Variants in ATXN7L3B observed in about 807,000 individuals in gnomAD.
The protein encoded by ATXN7L3B is ataxin 7 like 3B.
ATXN7L3B carries 4 observed loss-of-function variants against 6.3 expected under a neutral mutation model. The observed-to-expected ratio is 0.63, with a 90% CI of 0.31 to 1.45. The LOEUF is 1.45. Ranked by LOEUF, ATXN7L3B falls within the 40% of genes most tolerant of loss-of-function variation. ATXN7L3B has a pLI of 0.07. For missense variants in ATXN7L3B, 120 were observed against 118.5 expected, an observed-to-expected ratio of 1.01 and a Z score of -0.06; for synonymous variants, 63 against 48.0, an observed-to-expected ratio of 1.31 and a Z score of -1.29.
rs1868909124 is a variant in ATXN7L3B, at chr12:74,541,891, C to G, written c.*3485C>G. On this transcript the variant is annotated 3_prime_UTR_variant, in exon 1 of 1. Transcript: ENST00000519948. ...TTTCTCAATACTTAAAAAATTACCT[C>G]AACACTTTAGATCTTTCATTTCATT... is the stretch of plus-strand genomic sequence containing the variant. 6.6e-6 allele frequency: 1 copy of G among 152,130 alleles called. No homozygotes were observed. Among genetic ancestry groups the G allele is most frequent in the South Asian group, 2.1e-4 (1 of 4,820 alleles). The allele number at this position is 152,130 out of a possible 1,614,324, so 9.4% of individuals were successfully genotyped here. A position where few individuals can be genotyped will look rare whatever the true frequency, so the allele number is the denominator to read the frequency against.
chr12:74,545,378 C>T lies in ATXN7L3B; in HGVS notation c.*6972C>T, dbSNP rs1319447860. 2 of 152,072 alleles carry T rather than the reference C, an allele frequency of 1.3e-5. No homozygotes were observed. The highest frequency in any genetic ancestry group is 2.9e-5 in the Non-Finnish European group (2 of 67,936). The allele number at this position is 152,072 out of a possible 1,614,324, so 9.4% of individuals were successfully genotyped here. On this transcript the variant is annotated 3_prime_UTR_variant, in exon 1 of 1. Coordinates refer to ENST00000519948, the MANE Select transcript of ATXN7L3B (RefSeq NM_001136262.2). ...ATGTTTAACAATAGGCAAATCAATG[C>T]TGTATGTTGTTTAAATAATTGTGAA...
rs1868916970 is a variant in ATXN7L3B, at chr12:74,542,207, G to A, written c.*3801G>A. 1 of 152,094 alleles carries A rather than the reference G, an allele frequency of 6.6e-6. No individual in the cohort carries two copies. Among genetic ancestry groups the A allele is most frequent in the Admixed American group, 6.5e-5 (1 of 15,274 alleles). 9.4% of individuals were successfully genotyped at this position (152,094 alleles called of 1,614,324 possible). Reference sequence around the variant, plus strand: ...ACTTGTCACTGTCCAGTTTAAATAGGCCAGGGCCAACGTGGTGATTTGAGA... The same window carrying A: ...ACTTGTCACTGTCCAGTTTAAATAGACCAGGGCCAACGTGGTGATTTGAGA... On this transcript the variant is annotated 3_prime_UTR_variant, in exon 1 of 1. Transcript: ENST00000519948.
In ATXN7L3B at chr12:74,543,835, A is replaced by G. The variant is rs1868956618; in HGVS notation, c.*5429A>G. On this transcript the variant is annotated 3_prime_UTR_variant, in exon 1 of 1. Transcript: ENST00000519948. ...AACAATATAGAAACCAAAGCTCAAG[A>G]ACTTGTACACACTGCAAAAGGGTAT... is the stretch of plus-strand genomic sequence containing the variant. 1.3e-5 allele frequency: 2 copies of G among 152,046 alleles called. No individual in the cohort carries two copies. The highest frequency in any genetic ancestry group is 2.9e-5 in the Non-Finnish European group (2 of 67,910). The allele number at this position is 152,046 out of a possible 1,614,324, so 9.4% of individuals were successfully genotyped here. A position where few individuals can be genotyped will look rare whatever the true frequency, so the allele number is the denominator to read the frequency against.
rs1868862226 is a variant in ATXN7L3B, at chr12:74,540,501, CTG to C, written c.*2097_*2098del. The C allele has an allele frequency of 6.0e-6, 1 of 167,252 alleles. No individual in the cohort carries two copies. Among genetic ancestry groups the C allele is most frequent in the South Asian group, 2.1e-4 (1 of 4,838 alleles). 10.4% of individuals were successfully genotyped at this position (167,252 alleles called of 1,614,324 possible). A position where few individuals can be genotyped will look rare whatever the true frequency, so the allele number is the denominator to read the frequency against. ...AAACCATAGAGTTTGGGCCTTGGAA[CTG>C]TTACTGCCTTGTCCTAGAGTTGTCC... is the stretch of plus-strand genomic sequence containing the variant. On this transcript the variant is annotated 3_prime_UTR_variant, in exon 1 of 1. Coordinates refer to ENST00000519948, the MANE Select transcript of ATXN7L3B (RefSeq NM_001136262.2).
In ATXN7L3B at chr12:74,540,398, A is replaced by G. The variant is rs1868859230; in HGVS notation, c.*1992A>G. ...GTCCATTCTCTCACCCTTGCTGTGC[A>G]TGTATCAATCCTTATCCCAGAAGGT... is the stretch of plus-strand genomic sequence containing the variant. On this transcript the variant is annotated 3_prime_UTR_variant, in exon 1 of 1. Coordinates refer to ENST00000519948, the MANE Select transcript of ATXN7L3B (RefSeq NM_001136262.2). 6.0e-6 allele frequency: 1 copy of G among 167,058 alleles called. No individual in the cohort carries two copies. Among genetic ancestry groups the G allele is most frequent in the Non-Finnish European group, 1.5e-5 (1 of 68,138 alleles). 10.3% of individuals were successfully genotyped at this position (167,058 alleles called of 1,614,324 possible).
Position 74,543,235 on chromosome 12 carries a change from G to GAGTC in ATXN7L3B, c.*4830_*4831insGTCA, listed in dbSNP as rs1421609702. 6.6e-6 allele frequency: 1 copy of GAGTC among 152,032 alleles called. No homozygotes were observed. The highest frequency in any genetic ancestry group is 1.5e-5 in the Non-Finnish European group (1 of 67,944). 9.4% of individuals were successfully genotyped at this position (152,032 alleles called of 1,614,324 possible). A position where few individuals can be genotyped will look rare whatever the true frequency, so the allele number is the denominator to read the frequency against. On this transcript the variant is annotated 3_prime_UTR_variant, in exon 1 of 1. Coordinates refer to ENST00000519948, the MANE Select transcript of ATXN7L3B (RefSeq NM_001136262.2). Reference sequence around the variant, plus strand: ...TGAAAAAAAAATCTTCAGCAGCAGTGACTTGCCCATAGTTCAAAAAGCAAA... The same window carrying GAGTC: ...TGAAAAAAAAATCTTCAGCAGCAGTGAGTCACTTGCCCATAGTTCAAAAAGCAAA...
Position 74,538,044 on chromosome 12 carries a change from C to A in ATXN7L3B, c.-69C>A. 6.7e-7 allele frequency: 1 copy of A among 1,486,042 alleles called. No homozygotes were observed. 92.1% of individuals were successfully genotyped at this position (1,486,042 alleles called of 1,614,324 possible). ...AAAGGCCTCTAGGCCTAGGCGCGGC[C>A]CGCGGAGCCAGACGTGTTGCTGCCG... On this transcript the variant is annotated 5_prime_UTR_variant, in exon 1 of 1. Transcript: ENST00000519948.
In ATXN7L3B at chr12:74,540,874, C is replaced by G. The variant is rs556893356; in HGVS notation, c.*2468C>G. The G allele has an allele frequency of 1.8e-5, 3 of 164,424 alleles. No individual in the cohort carries two copies. Among genetic ancestry groups the G allele is most frequent in the South Asian group, 2.2e-4 (1 of 4,602 alleles). The allele number at this position is 164,424 out of a possible 1,614,324, so 10.2% of individuals were successfully genotyped here. Reference sequence around the variant, plus strand: ...GAGTAGTATTTTGTTCATATTACCCCCCTTTTGTTTTTTGTTTCTGGCCCC... The same window carrying G: ...GAGTAGTATTTTGTTCATATTACCCGCCTTTTGTTTTTTGTTTCTGGCCCC... On this transcript the variant is annotated 3_prime_UTR_variant, in exon 1 of 1. Transcript: ENST00000519948.
chr12:74,538,268 G>C lies in ATXN7L3B; in HGVS notation c.156G>C (p.Glu52Asp). 1.3e-6 allele frequency: 2 copies of C among 1,578,036 alleles called. No homozygotes were observed. The highest frequency in any genetic ancestry group is 1.7e-6 in the Non-Finnish European group (2 of 1,161,912). ...KCGYFYLEFA[E>D]TGSVKDFGIQ... Reference sequence around the variant, plus strand: ...GCTACTTCTACCTGGAGTTCGCAGAGACTGGTAGCGTGAAGGATTTTGGCA... The same window carrying C: ...GCTACTTCTACCTGGAGTTCGCAGACACTGGTAGCGTGAAGGATTTTGGCA... The change falls in exon 1 of 1, where the codon GAG (glutamate) becomes GAC (aspartate). Residue 52 changes from glutamate to aspartate, a missense_variant. Physicochemically the swap from Glu to Asp is conservative, Grantham distance 45. Transcript: ENST00000519948.
chr12:74,541,579 GAACAGAGA>G lies in ATXN7L3B; in HGVS notation c.*3177_*3184del, dbSNP rs1868900696. On this transcript the variant is annotated 3_prime_UTR_variant, in exon 1 of 1. Coordinates refer to ENST00000519948, the MANE Select transcript of ATXN7L3B (RefSeq NM_001136262.2). ...TTCCTCCCTAACAGGAGTTTTATCA[GAACAGAGA>G]AACTGTCCAACCTTGTTTCTCAATT... is the stretch of plus-strand genomic sequence containing the variant. The G allele has an allele frequency of 6.6e-6, 1 of 152,586 alleles. No individual in the cohort carries two copies. The highest frequency in any genetic ancestry group is 1.5e-5 in the Non-Finnish European group (1 of 68,022). 9.5% of individuals were successfully genotyped at this position (152,586 alleles called of 1,614,324 possible). A position where few individuals can be genotyped will look rare whatever the true frequency, so the allele number is the denominator to read the frequency against.
Position 74,539,602 on chromosome 12 carries a change from ACTTT to A in ATXN7L3B, c.*1199_*1202del, listed in dbSNP as rs1868828946. On this transcript the variant is annotated 3_prime_UTR_variant, in exon 1 of 1. Transcript: ENST00000519948. ...TATGGTGAACATCCAGACTGTCACC[ACTTT>A]CTGTCTGCCGCTCGAAAGGGATAGT... 1 of 167,076 alleles carries A rather than the reference ACTTT, an allele frequency of 6.0e-6. No homozygotes were observed. Among genetic ancestry groups the A allele is most frequent in the Admixed American group, 6.5e-5 (1 of 15,286 alleles). 10.3% of individuals were successfully genotyped at this position (167,076 alleles called of 1,614,324 possible).
At position 74,542,502 on chromosome 12, in the gene ATXN7L3B, CA is replaced by C. The variant is rs1868922639; in HGVS notation, c.*4099del. On this transcript the variant is annotated 3_prime_UTR_variant, in exon 1 of 1. Transcript: ENST00000519948. Reference sequence around the variant, plus strand: ...GATAATTGCAAGACCCCTGCTTTACCAAATACTTGACAATGGGACTTTGAAG... The same window carrying C: ...GATAATTGCAAGACCCCTGCTTTACCAATACTTGACAATGGGACTTTGAAG... 1 of 151,804 alleles carries C rather than the reference CA, an allele frequency of 6.6e-6. No homozygotes were observed. Among genetic ancestry groups the C allele is most frequent in the Non-Finnish European group, 1.5e-5 (1 of 67,932 alleles). The allele number at this position is 151,804 out of a possible 1,614,324, so 9.4% of individuals were successfully genotyped here.
In ATXN7L3B at chr12:74,543,940, A is replaced by G. The variant is rs1868958762; in HGVS notation, c.*5534A>G. The G allele has an allele frequency of 6.6e-6, 1 of 152,072 alleles. No individual in the cohort carries two copies. The highest frequency in any genetic ancestry group is 2.4e-5 in the African/African-American group (1 of 41,458). 9.4% of individuals were successfully genotyped at this position (152,072 alleles called of 1,614,324 possible). A position where few individuals can be genotyped will look rare whatever the true frequency, so the allele number is the denominator to read the frequency against. On this transcript the variant is annotated 3_prime_UTR_variant, in exon 1 of 1. Coordinates refer to ENST00000519948, the MANE Select transcript of ATXN7L3B (RefSeq NM_001136262.2). ...CCCTTTAAAAGCAGGAATGGAAGAA[A>G]CAAAATTTTTACTGTTCTAAGATGA...
chr12:74,540,283 T>G lies in ATXN7L3B; in HGVS notation c.*1877T>G, dbSNP rs1868855696. On this transcript the variant is annotated 3_prime_UTR_variant, in exon 1 of 1. Coordinates refer to ENST00000519948, the MANE Select transcript of ATXN7L3B (RefSeq NM_001136262.2). ...GTCTTACTTCATAAGGAGTTGTATC[T>G]TCCCACCTCCATTTCAATACTGCCG... 1 of 167,094 alleles carries G rather than the reference T, an allele frequency of 6.0e-6. No individual in the cohort carries two copies. Among genetic ancestry groups the G allele is most frequent in the African/African-American group, 2.4e-5 (1 of 41,440 alleles). 10.4% of individuals were successfully genotyped at this position (167,094 alleles called of 1,614,324 possible).
At position 74,544,443 on chromosome 12, in the gene ATXN7L3B, A is replaced by G. The variant is rs1476587748; in HGVS notation, c.*6037A>G. ...TAGACAAGATCTTTTTGACAGATGT[A>G]TATTTTAGTTTTGGTGCAGAAACAA... On this transcript the variant is annotated 3_prime_UTR_variant, in exon 1 of 1. Transcript: ENST00000519948. 2.0e-5 allele frequency: 3 copies of G among 152,028 alleles called. No homozygotes were observed. Among genetic ancestry groups the G allele is most frequent in the African/African-American group, 4.8e-5 (2 of 41,452 alleles). The allele number at this position is 152,028 out of a possible 1,614,324, so 9.4% of individuals were successfully genotyped here.
Position 74,544,225 on chromosome 12 carries a change from A to G in ATXN7L3B, c.*5819A>G, listed in dbSNP as rs991591495. ...AAGAACTGTGTAAGATTTTATAAAG[A>G]AAATAATATTTTCTAATATGTTGGG... On this transcript the variant is annotated 3_prime_UTR_variant, in exon 1 of 1. Coordinates refer to ENST00000519948, the MANE Select transcript of ATXN7L3B (RefSeq NM_001136262.2). 1 of 152,058 alleles carries G rather than the reference A, an allele frequency of 6.6e-6. No homozygotes were observed. The highest frequency in any genetic ancestry group is 1.5e-5 in the Non-Finnish European group (1 of 67,864). 9.4% of individuals were successfully genotyped at this position (152,058 alleles called of 1,614,324 possible).
At position 74,544,415 on chromosome 12, in the gene ATXN7L3B, G is replaced by C. The variant is rs1193936514; in HGVS notation, c.*6009G>C. 1.3e-5 allele frequency: 2 copies of C among 151,970 alleles called. No individual in the cohort carries two copies. The highest frequency in any genetic ancestry group is 4.8e-5 in the African/African-American group (2 of 41,432). 9.4% of individuals were successfully genotyped at this position (151,970 alleles called of 1,614,324 possible). On this transcript the variant is annotated 3_prime_UTR_variant, in exon 1 of 1. Transcript: ENST00000519948. ...AGATTTATATGAACACCAGATGCTA[G>C]AATAGACAAGATCTTTTTGACAGAT...
chr12:74,541,767 A>G lies in ATXN7L3B; in HGVS notation c.*3361A>G, dbSNP rs955309306. The G allele has an allele frequency of 3.9e-5, 6 of 152,284 alleles. No homozygotes were observed. In the East Asian group the frequency reaches 7.7e-4, roughly 20 times the overall value. 9.4% of individuals were successfully genotyped at this position (152,284 alleles called of 1,614,324 possible). A position where few individuals can be genotyped will look rare whatever the true frequency, so the allele number is the denominator to read the frequency against. ...GATAGTTCCATTTGAATTGAACTCA[A>G]TATATCTTAGTAAGTACATTTTACC... is the stretch of plus-strand genomic sequence containing the variant. On this transcript the variant is annotated 3_prime_UTR_variant, in exon 1 of 1. Transcript: ENST00000519948.
chr12:74,543,628 A>G lies in ATXN7L3B; in HGVS notation c.*5222A>G, dbSNP rs1316129569. ...TTTTTTTAAATGAAGATGTTAGCAAACCAACTCCTTTAAAATAACAAAAGT... is the reference window on the plus strand; with the variant it reads ...TTTTTTTAAATGAAGATGTTAGCAAGCCAACTCCTTTAAAATAACAAAAGT... On this transcript the variant is annotated 3_prime_UTR_variant, in exon 1 of 1. Coordinates refer to ENST00000519948, the MANE Select transcript of ATXN7L3B (RefSeq NM_001136262.2). 6.6e-6 allele frequency: 1 copy of G among 152,044 alleles called. No individual in the cohort carries two copies. The highest frequency in any genetic ancestry group is 1.9e-4 in the East Asian group (1 of 5,196). 9.4% of individuals were successfully genotyped at this position (152,044 alleles called of 1,614,324 possible).
Sources: allele counts gnomAD v4.1 joint callset, GRCh38; gene constraint gnomAD v4.1.1; transcripts MANE v1.5; gene names NCBI Gene and HGNC (gene_info 2026-07-23, HGNC 2026-07-21).